TAOK3: variants seen among roughly 807,000 people sequenced by gnomAD.
TAOK3 encodes the protein serine/threonine-protein kinase TAO3.
TAOK3 carries 40 observed loss-of-function variants against 120.4 expected under a neutral mutation model. That is an observed-to-expected ratio of 0.33 (90% CI 0.26 to 0.43). The LOEUF (loss-of-function observed/expected upper bound fraction) is 0.43, where lower values mean the gene tolerates loss of function less well. Ranked by LOEUF, TAOK3 falls within the 20% of genes least tolerant of loss-of-function variation. The pLI is 1.00. For missense variants in TAOK3, 821 were observed against 1,112.1 expected (o/e 0.74, Z 3.72); for synonymous variants, 355 against 387.5 (o/e 0.92, Z 0.99).
At position 118,332,715 on chromosome 12, in the gene TAOK3, G is replaced by A. The variant is rs113542589; in HGVS notation, c.-194+39933C>T. Among the ~76,000 whole-genome samples, 1,263 of 152,262 alleles carry A rather than the reference G, an allele frequency of 8.3e-3. 19 individuals carry two copies. The highest frequency in any genetic ancestry group is 0.029 in the African/African-American group (1,223 of 41,542). ...TTCCATAAACAGTCTCTTACGCAAT[G>A]GTGTGGGTTGGTGGTGTAGAAGTAG... On this transcript the variant is annotated intron_variant, in intron 1 of 20. Transcript: ENST00000392533.
chr12:118,177,422 G>A (rs2036411171), intron 15 of TAOK3, 93 bp from the exon 16 acceptor site: 1 of 912,956 alleles, frequency 1.1e-6, no homozygotes, highest in South Asian at 2.2e-5. Flanking sequence ...CAGTCCATGA[G>A]TGCTAATAAT....
chr12:118,327,285 T>G (rs919840006), intron 1 of TAOK3, among the ~76,000 whole-genome samples: 3 of 152,208 alleles, frequency 2.0e-5, no homozygotes, highest in Admixed American at 6.5e-5. Flanking sequence ...AATCCCAAGA[T>G]GTAGGCACTA....
intron 1 of TAOK3, among the ~76,000 whole-genome samples, chr12:118,290,900 T>A (rs1172273014): frequency 1.3e-5 from 2 of 152,066 alleles, no homozygotes; most frequent in Non-Finnish European, 2.9e-5. Flanking sequence ...TTACTTTTTT[T>A]TTTTTTTTCC....
intron 13 of TAOK3, chr12:118,198,607 A>T (rs1160542619): frequency 5.7e-6 from 1 of 174,472 alleles, no homozygotes; most frequent in African/African-American, 2.4e-5. Context: ...GGCTGGTCTC[A>T]AACTCCTGAC....
chr12:118,222,532 GA>G (rs201957813), intron 9 of TAOK3, among the ~76,000 whole-genome samples: 89 of 133,418 alleles, frequency 6.7e-4, no homozygotes, highest in Non-Finnish European at 7.2e-4. Context: ...ACTCCCTCTC[GA>G]AAAAAAAAAA....
At chr12:118,350,450 T>C (rs542522797) in intron 1 of TAOK3, among the ~76,000 whole-genome samples, 3 of 152,316 alleles carry the variant, frequency 2.0e-5, no homozygotes, top group African/African-American at 7.2e-5. Context: ...GAGATACTCA[T>C]TATATAAAGC....
At chr12:118,362,633 C>A (rs575988407) in intron 1 of TAOK3, among the ~76,000 whole-genome samples, 54 of 152,262 alleles carry the variant, frequency 3.5e-4, no homozygotes, top group African/African-American at 1.3e-3. Flanking sequence ...TGCTAAGCCT[C>A]CCTCTCCCAG....
chr12:118,161,639 A>G lies in TAOK3; in HGVS notation c.2139+149T>C. 1 of 1,049,822 alleles carries G rather than the reference A, an allele frequency of 9.5e-7. No individual in the cohort carries two copies. Among genetic ancestry groups the G allele is most frequent in the East Asian group, 2.4e-5 (1 of 41,822 alleles). 65.0% of individuals were successfully genotyped at this position (1,049,822 alleles called of 1,614,324 possible). A position where few individuals can be genotyped will look rare whatever the true frequency, so the allele number is the denominator to read the frequency against. ...ATCTCCTTTTCAGGAGCTTAAATAT[A>G]GACTCTGTGCTTTGCAACTGGAGAT... is the stretch of plus-strand genomic sequence containing the variant. On this transcript the variant is annotated intron_variant, in intron 18 of 20. Coordinates refer to ENST00000392533, the MANE Select transcript of TAOK3 (RefSeq NM_016281.4). This position sits in a 1 kb window ranked among gnomAD's most constrained non-coding sequence, Gnocchi z 4.5.
intron 3 of TAOK3, chr12:118,246,192 G>A (rs1249318504): frequency 7.1e-7 from 1 of 1,410,288 alleles, no homozygotes; most frequent in Non-Finnish European, 9.7e-7. Context: ...CCGGGGCCGG[G>A]GTCGCGGCCG....
At chr12:118,238,014 G>T in intron 7 of TAOK3, 59 bp downstream of exon 7, 2 of 1,167,012 alleles carry the variant, frequency 1.7e-6, no homozygotes, top group South Asian at 1.5e-5. Flanking sequence ...TAATTTTCAA[G>T]GTTCCTGGAA....
In TAOK3 at chr12:118,189,902, G is replaced by A. The variant is rs767310037; in HGVS notation, c.1234C>T (p.Pro412Ser). The part of the protein sequence containing the change: ...FIRDEAGHGD[P>S]RPEPRPTQSV... ...TGGGTAGGCCGCGGCTCAGGCCTGG[G>A]ATCGCCGTGGCCCGCCTCATCCCTT... The change falls in exon 14 of 21, where the codon CCC (proline) becomes TCC (serine). Residue 412 changes from proline (P) to serine (S), a missense_variant. Physicochemically the swap from Pro to Ser is moderately conservative, Grantham distance 74 (BLOSUM62 -1). Transcript: ENST00000392533. 1 of 1,614,062 alleles carries A rather than the reference G, an allele frequency of 6.2e-7. No individual in the cohort carries two copies. The highest frequency in any genetic ancestry group is 1.3e-5 in the African/African-American group (1 of 74,922).
At chr12:118,319,946 G>A (rs1470976001) in intron 1 of TAOK3, among the ~76,000 whole-genome samples, 4 of 152,174 alleles carry the variant, frequency 2.6e-5, no homozygotes, top group African/African-American at 9.7e-5. Context: ...GAAACAACGT[G>A]AAGTGTCCAT....
At chr12:118,295,505 A>G (rs1222111613) in intron 1 of TAOK3, 1 of 152,056 alleles carries the variant, frequency 6.6e-6, no homozygotes, top group East Asian at 1.9e-4. Flanking sequence ...TTTATTTATA[A>G]CTCTTAAAAT....
intron 4 of TAOK3, among the ~76,000 whole-genome samples, chr12:118,243,876 T>C (rs1056525186): frequency 1.3e-5 from 2 of 152,032 alleles, no homozygotes; most frequent in Non-Finnish European, 2.9e-5. Context: ...ACGAGGTTTC[T>C]CCGTGTTGGC....
chr12:118,151,277 G>C, intron 20 of TAOK3, 119 bp from the exon 21 acceptor site: 1 of 673,698 alleles, frequency 1.5e-6, no homozygotes, highest in South Asian at 2.0e-5. Context: ...CACACATGAA[G>C]TGCGCGCGCG....
intron 5 of TAOK3, among the ~76,000 whole-genome samples, chr12:118,241,132 T>G (rs2040232272): frequency 6.6e-6 from 1 of 150,938 alleles, no homozygotes; most frequent in African/African-American, 2.4e-5. Context: ...AGTTATATAT[T>G]TATATAGTAT....
chr12:118,217,816 CATATATATATATATATATAT>C (rs57197721), intron 9 of TAOK3, among the ~76,000 whole-genome samples: 1,656 of 46,022 alleles, frequency 0.036, 79 homozygotes, highest in African/African-American at 0.11. Context: ...TGTGTGTATA[CATATATATATATATATATAT>C]ATATATATAT....
chr12:118,358,658 T>C (rs2045488860), intron 1 of TAOK3, among the ~76,000 whole-genome samples: 1 of 152,210 alleles, frequency 6.6e-6, no homozygotes, highest in Non-Finnish European at 1.5e-5. Context: ...ACCTTAGTTA[T>C]TCAGGAGAAA....
intron 1 of TAOK3, among the ~76,000 whole-genome samples, chr12:118,286,666 C>T (rs573639977): frequency 6.6e-6 from 1 of 152,152 alleles, no homozygotes; most frequent in African/African-American, 2.4e-5. Flanking sequence ...TGTGGAGATT[C>T]CTTAAAGAAC....
Sources: gnomAD v4.1 joint callset for allele counts (sites outside exome capture counted in the v4.1 genomes callset) on GRCh38, gnomAD v4.1.1 for gene constraint, Gnocchi (gnomAD v3.1) non-coding constraint, MANE v1.5 for transcripts, NCBI Gene and HGNC (gene_info 2026-07-23, HGNC 2026-07-21) for gene names.